ABLIM3: variants seen among roughly 807,000 people sequenced by gnomAD.
The protein encoded by ABLIM3 is actin binding LIM protein family member 3.
A neutral mutation model predicts 109.5 loss-of-function variants in ABLIM3; 61 were observed. The observed-to-expected ratio is 0.56, with a 90% confidence interval of 0.45 to 0.69. The LOEUF is 0.69. ABLIM3 is among the 30% of genes least tolerant of loss of function. The pLI is 0.00. For missense variants in ABLIM3, 796 were observed against 889.5 expected (o/e 0.89, Z 1.34); for synonymous variants, 300 against 324.8 (o/e 0.92, Z 0.82).
At chr5:149,232,675 A>C (rs1038900124) in intron 9 of ABLIM3, among the ~76,000 whole-genome samples, 3 of 152,210 alleles carry the variant, frequency 2.0e-5, no homozygotes, top group Non-Finnish European at 4.4e-5. Flanking sequence ...TACATCAGGC[A>C]GGCACCCTCT....
chr5:149,247,546 G>T, intron 17 of ABLIM3: 1 of 680,600 alleles, frequency 1.5e-6, no homozygotes, highest in South Asian at 1.5e-5. Flanking sequence ...CACTGGCCAG[G>T]CTTGCTTTTT....
At chr5:149,213,746 A>G (rs914695136) in intron 7 of ABLIM3, among the ~76,000 whole-genome samples, 5 of 151,806 alleles carry the variant, frequency 3.3e-5, no homozygotes, top group Non-Finnish European at 1.5e-5. Flanking sequence ...CCTCCCAGGC[A>G]GCTGTTGTGA....
chr5:149,210,553 TG>T (rs976248361), intron 6 of ABLIM3, among the ~76,000 whole-genome samples, 172 bp from the exon 7 acceptor site: 18 of 152,352 alleles, frequency 1.2e-4, no homozygotes, highest in African/African-American at 3.8e-4. Flanking sequence ...TGTCATCTAC[TG>T]ATCTGGGAGC....
intron 19 of ABLIM3, 27 bp downstream of exon 19, chr5:149,249,871 C>G: frequency 6.2e-7 from 1 of 1,613,770 alleles, no homozygotes; most frequent in Non-Finnish European, 8.5e-7. Context: ...CTACCTTCAG[C>G]CCATCATGTC....
At chr5:149,175,801 TGCCATGTGGCAGCTGGCTGTCAGACAA>T (rs1389021386) in intron 2 of ABLIM3, among the ~76,000 whole-genome samples, 1 of 152,180 alleles carries the variant, frequency 6.6e-6, no homozygotes, top group Non-Finnish European at 1.5e-5. Context: ...ATGCTGTAGC[TGCCATGTGGCAGCTGGCTGTCAGACAA>T]GAGCAGTCTG....
At chr5:149,238,635 T>C (rs528661644) in intron 11 of ABLIM3, among the ~76,000 whole-genome samples, 69 of 152,328 alleles carry the variant, frequency 4.5e-4, no homozygotes, top group African/African-American at 1.6e-3. Context: ...CACTGGGAGA[T>C]TTCATGTAAG....
In ABLIM3 at chr5:149,206,268, T is replaced by G. The variant is rs115187817; in HGVS notation, c.449-740T>G. 3.0e-3 allele frequency among the ~76,000 whole-genome samples: 460 copies of G among 152,312 alleles called. 3 individuals carry two copies. Among genetic ancestry groups the G allele is most frequent in the African/African-American group, 0.01 (432 of 41,554 alleles). The stretch of plus-strand genomic sequence containing the variant: ...GACCGTGTCAGGGAGTGAGGGCACC[T>G]TTCTGGTTTGGGACAGTCTCATCAG... On this transcript the variant is annotated intron_variant, in intron 5 of 23. Transcript: ENST00000309868.
chr5:149,199,350 G>C (rs1758285226), intron 4 of ABLIM3, among the ~76,000 whole-genome samples: 1 of 152,206 alleles, frequency 6.6e-6, no homozygotes, highest in Non-Finnish European at 1.5e-5. Flanking sequence ...AGAATAACTA[G>C]TTAGAGTTTC....
chr5:149,191,130 G>GT (rs1581090917), intron 3 of ABLIM3, among the ~76,000 whole-genome samples: 1 of 152,046 alleles, frequency 6.6e-6, no homozygotes. Context: ...ACAGTGGACA[G>GT]GATTAGCAAA....
chr5:149,143,033 G>C (rs922689301), intron 2 of ABLIM3, among the ~76,000 whole-genome samples: 5 of 152,066 alleles, frequency 3.3e-5, no homozygotes, highest in African/African-American at 1.2e-4. Context: ...CTGCATCTCA[G>C]ACTGCTCATC....
At chr5:149,239,717 C>T in intron 12 of ABLIM3, 42 bp from the exon 13 acceptor site, 1 of 1,540,768 alleles carries the variant, frequency 6.5e-7, no homozygotes, top group Non-Finnish European at 8.7e-7. Context: ...CACAGGCCCA[C>T]TTAACAGCCA....
chr5:149,161,928 G>A (rs1003776942), intron 2 of ABLIM3, among the ~76,000 whole-genome samples: 40 of 151,894 alleles, frequency 2.6e-4, no homozygotes, highest in Admixed American at 1.8e-3. Context: ...GTGTGTGTGC[G>A]CCTATAGAGA....
intron 19 of ABLIM3, among the ~76,000 whole-genome samples, chr5:149,250,177 A>C (rs1361849624): frequency 1.3e-5 from 2 of 152,220 alleles, no homozygotes; most frequent in Non-Finnish European, 2.9e-5. Context: ...ACAGGGGTCT[A>C]TCACAAGAAG....
Position 149,206,996 on chromosome 5 carries a change from C to A in ABLIM3, c.449-12C>A, listed in dbSNP as rs1759044736. 6.2e-7 allele frequency: 1 copy of A among 1,613,372 alleles called. No homozygotes were observed. Among genetic ancestry groups the A allele is most frequent in the Admixed American group, 1.7e-5 (1 of 59,920 alleles). On this transcript the variant is annotated splice_polypyrimidine_tract_variant and intron_variant, in intron 5 of 23. Transcript: ENST00000309868. ...AGGGTGCTTTGCTCAGCAGTGTCCT[C>A]TTGTCTTGCAGACTGTGCCGGGTGC...
chr5:149,171,598 G>A (rs566968054), intron 2 of ABLIM3, among the ~76,000 whole-genome samples: 8 of 152,266 alleles, frequency 5.3e-5, no homozygotes, highest in Non-Finnish European at 1.0e-4. Context: ...ATAAATGCCT[G>A]GTAAAACATG....
In ABLIM3 at chr5:149,259,611, G is replaced by C. The variant is rs758992354; in HGVS notation, c.*1207G>C. The C allele has an allele frequency of 6.5e-7, 1 of 1,533,388 alleles. No individual in the cohort carries two copies. Among genetic ancestry groups the C allele is most frequent in the South Asian group, 1.2e-5 (1 of 84,016 alleles). The allele number at this position is 1,533,388 out of a possible 1,614,324, so 95.0% of individuals were successfully genotyped here. ...TGAAGTGTTGGCCAACACCGCTCAT[G>C]GCCATCCTGGATTTTCCCAGTGGCT... is the stretch of plus-strand genomic sequence containing the variant. On this transcript the variant is annotated 3_prime_UTR_variant, in exon 24 of 24. Transcript: ENST00000309868.
At chr5:149,171,362 A>G (rs1475497016) in intron 2 of ABLIM3, among the ~76,000 whole-genome samples, 1 of 152,200 alleles carries the variant, frequency 6.6e-6, no homozygotes, top group Non-Finnish European at 1.5e-5. Flanking sequence ...AGAAAATGTG[A>G]TAAGTGCTTT....
chr5:149,210,680 C>G, intron 6 of ABLIM3, 46 bp from the exon 7 acceptor site: 1 of 1,563,586 alleles, frequency 6.4e-7, no homozygotes, highest in Non-Finnish European at 8.8e-7. Context: ...TGCACCCTCA[C>G]TGATCCTCCC....
rs1243430462 is a variant in ABLIM3 at position 149,141,604 on chromosome 5, C to G, written c.-138C>G. The stretch of plus-strand genomic sequence containing the variant: ...AGACGAGGACCAGGATTCATGAAAT[C>G]AGTCGCAGGGGCCGGGGCAGGGGCC... On this transcript the variant is annotated 5_prime_UTR_variant, in exon 1 of 24. It adds an upstream start codon to the 5' untranslated region. Coordinates refer to ENST00000309868, the MANE Select transcript of ABLIM3 (RefSeq NM_014945.5). The G allele has an allele frequency of 6.3e-6, 1 of 158,740 alleles. No homozygotes were observed. Among genetic ancestry groups the G allele is most frequent in the Non-Finnish European group, 1.4e-5 (1 of 72,334 alleles). 9.8% of individuals were successfully genotyped at this position (158,740 alleles called of 1,614,324 possible).
Sources: gnomAD v4.1 joint callset for allele counts (sites outside exome capture counted in the v4.1 genomes callset) on GRCh38, gnomAD v4.1.1 for gene constraint, MANE v1.5 for transcripts, NCBI Gene and HGNC (gene_info 2026-07-23, HGNC 2026-07-21) for gene names.